F11: variants seen among roughly 807,000 people sequenced by gnomAD.
The protein encoded by F11 is coagualtion factor XI.
A neutral mutation model predicts 76.5 loss-of-function variants in F11; 78 were observed. The observed-to-expected ratio is 1.02, with a 90% confidence interval of 0.85 to 1.23. The LOEUF (loss-of-function observed/expected upper bound fraction) is 1.23. F11 is among the 50% of genes most tolerant of loss of function. The probability of loss-of-function intolerance (pLI) is 0.00; values close to 1 mark genes in which losing one functional copy is unlikely to be tolerated. For synonymous variants in F11, 278 were observed against 276.3 expected, an observed-to-expected ratio of 1.01 and a Z score of -0.06; for missense variants, 742 against 771.4, an observed-to-expected ratio of 0.96 and a Z score of 0.45.
intron 7 of F11, 149 bp from the exon 8 acceptor site, chr4:186,279,863 A>G: frequency 1.4e-6 from 1 of 697,194 alleles, no homozygotes; most frequent in Non-Finnish European, 2.5e-6. Flanking sequence ...TATGGGTGTA[A>G]CTCCGTGGTT....
intron 10 of F11, among the ~76,000 whole-genome samples, chr4:186,283,466 A>G (rs193069350): frequency 6.6e-6 from 1 of 152,302 alleles, no homozygotes; most frequent in East Asian, 1.9e-4. Flanking sequence ...GACCCCAGAG[A>G]ATCCCAAACT....
intron 7 of F11, among the ~76,000 whole-genome samples, chr4:186,276,603 T>G (rs1222857526): frequency 2.6e-4 from 38 of 145,522 alleles, no homozygotes; most frequent in African/African-American, 9.5e-4. Flanking sequence ...TTTTTTTTTT[T>G]TGAGATGGAG....
intron 11 of F11, among the ~76,000 whole-genome samples, chr4:186,284,903 C>G (rs562848383): frequency 2.6e-5 from 4 of 152,282 alleles, no homozygotes; most frequent in Admixed American, 2.6e-4. Flanking sequence ...TGAGTTACTA[C>G]AGTGCCACTG....
At position 186,285,625 on chromosome 4, in the gene F11, G is replaced by T; in HGVS notation, c.1305-13G>T. 6.2e-7 allele frequency: 1 copy of T among 1,613,580 alleles called. No individual in the cohort carries two copies. Among genetic ancestry groups the T allele is most frequent in the South Asian group, 1.1e-5 (1 of 91,060 alleles). On this transcript the variant is annotated splice_polypyrimidine_tract_variant and intron_variant, in intron 11 of 14. Transcript: ENST00000403665. ...TAAAGGAAATTTCTTTCCCTCTGTT[G>T]TTTGCTCCTTAGGGTAGAGTCACCT...
intron 2 of F11, among the ~76,000 whole-genome samples, chr4:186,268,601 T>C (rs540209051): frequency 1.3e-4 from 19 of 151,866 alleles, no homozygotes; most frequent in Admixed American, 3.3e-4. Flanking sequence ...GAAAATTGAG[T>C]ATTTATAATC....
rs760096680 is a variant in F11, at chr4:186,280,289, C to T, written c.932C>T (p.Ala311Val). Residue 311 changes from alanine (A) to valine (V), a missense_variant, in exon 9 of 15, where the codon GCA becomes GTA. Transcript: ENST00000403665. Reference protein sequence around the residue: ...FLGEELDIVAAKSHEACQKLC... With the variant: ...FLGEELDIVAVKSHEACQKLC... ...GGAGAAGAACTGGATATTGTTGCTG[C>T]AAAAAGTCACGAGGCCTGCCAGAAA... 3 of 1,614,186 alleles carry T rather than the reference C, an allele frequency of 1.9e-6. No homozygotes were observed. Among genetic ancestry groups the T allele is most frequent in the Middle Eastern group, 1.6e-4 (1 of 6,062 alleles).
At chr4:186,276,789 A>T (rs4253415) in intron 7 of F11, among the ~76,000 whole-genome samples, 14,256 of 151,766 alleles carry the variant, frequency 0.094, 809 homozygotes, top group South Asian at 0.2. Context: ...GGGTTTCACC[A>T]TGTTGGCCAG....
intron 10 of F11, among the ~76,000 whole-genome samples, chr4:186,281,410 T>C (rs968316673): frequency 1.3e-5 from 2 of 152,172 alleles, no homozygotes; most frequent in Non-Finnish European, 2.9e-5. Context: ...ACTTTACTAG[T>C]AACAATGAGT....
rs1741324027 is a variant in F11 at position 186,287,832 on chromosome 4, GT to G, written c.1716+10del. 6.2e-7 allele frequency: 1 copy of G among 1,611,190 alleles called. No homozygotes were observed. Among genetic ancestry groups the G allele is most frequent in the Admixed American group, 1.7e-5 (1 of 59,912 alleles). On this transcript the variant is annotated intron_variant, in intron 14 of 14. Transcript: ENST00000403665. The stretch of plus-strand genomic sequence containing the variant: ...GGAAGGACGCTTGCAAGGTAACAGA[GT>G]GTTCTTAGCCAATGGAATATATGCA...
intron 10 of F11, chr4:186,282,331 C>G: frequency 1.0e-6 from 1 of 985,258 alleles, no homozygotes; most frequent in Non-Finnish European, 1.2e-6. Context: ...TAAAGTCTTA[C>G]GTCTTTTCAG....
chr4:186,269,004 G>C (rs182541042), intron 2 of F11, among the ~76,000 whole-genome samples: 1 of 152,260 alleles, frequency 6.6e-6, no homozygotes, highest in Non-Finnish European at 1.5e-5. Flanking sequence ...CATTTTATAA[G>C]GTCAGGGTAA....
At chr4:186,279,618 C>T (rs547598552) in intron 7 of F11, among the ~76,000 whole-genome samples, 4 of 152,154 alleles carry the variant, frequency 2.6e-5, no homozygotes, top group South Asian at 2.1e-4. Flanking sequence ...GTGGAGTAAA[C>T]GACGGACTTC....
At chr4:186,279,947 G>A (rs1740663461) in intron 7 of F11, 65 bp from the exon 8 acceptor site, 2 of 1,209,288 alleles carry the variant, frequency 1.7e-6, no homozygotes, top group East Asian at 4.7e-5. Flanking sequence ...CTTTCTCTAG[G>A]TGCTGTAAAA....
chr4:186,271,925 G>GGT (rs1293037398), intron 3 of F11, among the ~76,000 whole-genome samples, 154 bp downstream of exon 3: 1 of 152,110 alleles, frequency 6.6e-6, no homozygotes, highest in Non-Finnish European at 1.5e-5. Flanking sequence ...AAGAAGTGAT[G>GGT]GTGTTTACGC....
At chr4:186,286,247 T>G in intron 12 of F11, 168 bp from the exon 13 acceptor site, 1 of 646,496 alleles carries the variant, frequency 1.5e-6, no homozygotes, top group Non-Finnish European at 2.7e-6. Context: ...TCCTGGCACA[T>G]GTGCGATATC....
intron 4 of F11, among the ~76,000 whole-genome samples, chr4:186,273,429 A>G (rs1053072362): frequency 2.0e-5 from 3 of 151,992 alleles, no homozygotes; most frequent in African/African-American, 7.2e-5. Flanking sequence ...TATTCTTTCT[A>G]TTTCCCAGCC....
intron 2 of F11, among the ~76,000 whole-genome samples, chr4:186,269,678 G>A (rs1405501892): frequency 2.6e-5 from 4 of 152,196 alleles, no homozygotes; most frequent in Admixed American, 1.3e-4. Flanking sequence ...GGTGGATGGT[G>A]CTGATGGTTG....
At chr4:186,275,727 A>T (rs1740311101) in intron 5 of F11, 60 bp from the exon 6 acceptor site, 1 of 1,261,336 alleles carries the variant, frequency 7.9e-7, no homozygotes, top group Admixed American at 1.9e-5. Flanking sequence ...TTAATATCTC[A>T]TGTTTTTTCC....
Position 186,287,765 on chromosome 4 carries a change from A to G in F11, c.1658A>G (p.Lys553Arg). The G allele has an allele frequency of 6.2e-7, 1 of 1,613,768 alleles. No homozygotes were observed. The highest frequency in any genetic ancestry group is 8.5e-7 in the Non-Finnish European group (1 of 1,179,814). ...EECQKRYRGH[K>R]ITHKMICAGY... ...TGCCAGAAGAGATACAGAGGACATA[A>G]AATAACCCATAAGATGATCTGTGCC... The change falls in exon 14 of 15, where the codon AAA (lysine) becomes AGA (arginine). Residue 553 changes from lysine (K) to arginine (R), a missense_variant. Physicochemically the swap from Lys to Arg is conservative, Grantham distance 26. Coordinates refer to ENST00000403665, the MANE Select transcript of F11 (RefSeq NM_000128.4).
Sources: allele counts gnomAD v4.1 joint callset (sites outside exome capture counted in the v4.1 genomes callset), GRCh38; gene constraint gnomAD v4.1.1; transcripts MANE v1.5; gene names NCBI Gene and HGNC (gene_info 2026-07-23, HGNC 2026-07-21).